MEIS2: variants seen among roughly 807,000 people sequenced by gnomAD.
MEIS2 encodes homeobox protein Meis2.
A neutral mutation model predicts 58.6 loss-of-function variants in MEIS2; 9 were observed. The observed-to-expected ratio is 0.15, with a 90% CI of 0.09 to 0.27. MEIS2 has a LOEUF of 0.27. MEIS2 is among the 10% of genes least tolerant of loss of function. The pLI is 1.00. For synonymous variants in MEIS2, 221 were observed against 228.4 expected (o/e 0.97, Z 0.29); for missense variants, 427 against 635.0 (o/e 0.67, Z 3.52).
At chr15:37,011,812 G>C (rs2061170501) in intron 8 of MEIS2, among the ~76,000 whole-genome samples, 1 of 151,744 alleles carries the variant, frequency 6.6e-6, no homozygotes, top group Non-Finnish European at 1.5e-5. Context: ...TAGAGATGGG[G>C]TTTCATCATG....
chr15:36,996,003 G>GTATA (rs1555446467), intron 8 of MEIS2, among the ~76,000 whole-genome samples: 1 of 39,910 alleles, frequency 2.5e-5, no homozygotes, highest in African/African-American at 6.7e-5. Flanking sequence ...ATATATATAT[G>GTATA]TATATATATA....
At chr15:37,033,345 C>G (rs2062008059) in intron 8 of MEIS2, among the ~76,000 whole-genome samples, 1 of 152,190 alleles carries the variant, frequency 6.6e-6, no homozygotes, top group African/African-American at 2.4e-5. Flanking sequence ...ATGGCCCATT[C>G]AGGGGGCAAA....
intron 8 of MEIS2, among the ~76,000 whole-genome samples, chr15:36,985,186 C>A (rs2060054966): frequency 6.6e-6 from 1 of 152,088 alleles, no homozygotes; most frequent in African/African-American, 2.4e-5. Context: ...TTGTTCATAT[C>A]ATCACTTTCC....
At chr15:36,954,997 G>C (rs1212397952) in intron 8 of MEIS2, among the ~76,000 whole-genome samples, 5 of 152,154 alleles carry the variant, frequency 3.3e-5, no homozygotes. Context: ...GCATTGGGCA[G>C]ATATCATTTA....
At chr15:37,028,027 G>A (rs573659744) in intron 8 of MEIS2, among the ~76,000 whole-genome samples, 2 of 152,202 alleles carry the variant, frequency 1.3e-5, no homozygotes, top group African/African-American at 4.8e-5. Context: ...ATAATGACAC[G>A]TATCCACCAT....
rs189644064 is a variant in MEIS2, at chr15:36,909,774, T to A, written c.978-13088A>T. 1.7e-3 allele frequency among the ~76,000 whole-genome samples: 227 copies of A among 132,230 alleles called. 1 individual carries two copies. Among genetic ancestry groups the A allele is most frequent in the African/African-American group, 6.0e-3 (206 of 34,376 alleles). The allele number at this position is 132,230 out of a possible 152,430, so 86.7% of individuals were successfully genotyped here. On this transcript the variant is annotated intron_variant, in intron 9 of 11. Coordinates refer to ENST00000561208, the MANE Select transcript of MEIS2 (RefSeq NM_170675.5). Reference sequence around the variant, plus strand: ...TGCACAGTCCGGGACATAACTGTACTGGGGATGATGGGGCAGTTGACTCAA... The same window carrying A: ...TGCACAGTCCGGGACATAACTGTACAGGGGATGATGGGGCAGTTGACTCAA...
chr15:36,889,360 A>AT lies in MEIS2; in HGVS notation c.*2812dup, dbSNP rs1259172512. 1.3e-5 allele frequency: 2 copies of AT among 152,160 alleles called. No individual in the cohort carries two copies. The highest frequency in any genetic ancestry group is 1.3e-4 in the Admixed American group (2 of 15,280). The allele number at this position is 152,160 out of a possible 1,614,324, so 9.4% of individuals were successfully genotyped here. On this transcript the variant is annotated 3_prime_UTR_variant, in exon 12 of 12. Transcript: ENST00000561208. ...CTTTACACTAAATAGTAAACCCGAGATAGGAGCAAGTGCCTTCCGGGGTGG... is the reference window on the plus strand; with the variant it reads ...CTTTACACTAAATAGTAAACCCGAGATTAGGAGCAAGTGCCTTCCGGGGTGG...
At chr15:37,087,590 C>T (rs988251072) in intron 6 of MEIS2, among the ~76,000 whole-genome samples, 3 of 145,690 alleles carry the variant, frequency 2.1e-5, no homozygotes, top group Admixed American at 2.1e-4. Flanking sequence ...TGTTTTCTCC[C>T]TTGAAAGTTA....
chr15:37,052,047 C>G (rs2062941509), intron 7 of MEIS2, among the ~76,000 whole-genome samples: 1 of 151,940 alleles, frequency 6.6e-6, no homozygotes, highest in African/African-American at 2.4e-5. Flanking sequence ...CTTTTTAAAA[C>G]TTTCAGGAAA....
chr15:36,944,295 G>A (rs543198638), intron 9 of MEIS2, among the ~76,000 whole-genome samples: 3 of 151,860 alleles, frequency 2.0e-5, no homozygotes, highest in Non-Finnish European at 4.4e-5. Flanking sequence ...CTCTTTCCCC[G>A]CCTTCTTTTG....
At chr15:37,001,755 A>G (rs537528998) in intron 8 of MEIS2, among the ~76,000 whole-genome samples, 1 of 152,266 alleles carries the variant, frequency 6.6e-6, no homozygotes, top group African/African-American at 2.4e-5. Flanking sequence ...AATATTTTAA[A>G]TTTACTTGAC....
intron 9 of MEIS2, among the ~76,000 whole-genome samples, chr15:36,921,445 G>T (rs1651396261): frequency 6.6e-6 from 1 of 152,208 alleles, no homozygotes; most frequent in African/African-American, 2.4e-5. Flanking sequence ...CATGTGGTTT[G>T]AAATAATTTC....
chr15:37,040,187 G>A (rs1020584920), intron 7 of MEIS2, among the ~76,000 whole-genome samples: 2 of 152,098 alleles, frequency 1.3e-5, no homozygotes, highest in African/African-American at 2.4e-5. Context: ...ACAAATGCAC[G>A]TGCCAAATGA....
intron 7 of MEIS2, among the ~76,000 whole-genome samples, chr15:37,046,854 TA>T (rs2062696804): frequency 6.6e-6 from 1 of 150,892 alleles, no homozygotes; most frequent in Non-Finnish European, 1.5e-5. Context: ...TATATATATA[TA>T]TTTAATTCAT....
chr15:37,066,061 T>C (rs1387543394), intron 7 of MEIS2, among the ~76,000 whole-genome samples: 1 of 152,218 alleles, frequency 6.6e-6, no homozygotes. Context: ...AAGGAGAAGA[T>C]AACTAACCCT....
At chr15:37,034,053 T>C (rs2062042696) in intron 8 of MEIS2, among the ~76,000 whole-genome samples, 1 of 151,358 alleles carries the variant, frequency 6.6e-6, no homozygotes, top group African/African-American at 2.4e-5. Context: ...GAGAAAGTAA[T>C]GAAAGGGGCA....
At chr15:36,999,309 C>T (rs868192051) in intron 8 of MEIS2, among the ~76,000 whole-genome samples, 4 of 152,172 alleles carry the variant, frequency 2.6e-5, no homozygotes, top group South Asian at 2.1e-4. Flanking sequence ...ATGGTCATCA[C>T]GACAACCTTG....
chr15:37,093,601 A>T lies in MEIS2; in HGVS notation c.619T>A (p.Ser207Thr). 6.2e-7 allele frequency: 1 copy of T among 1,614,182 alleles called. No homozygotes were observed. The highest frequency in any genetic ancestry group is 8.5e-7 in the Non-Finnish European group (1 of 1,180,022). Residue 207 changes from serine to threonine, a missense_variant, in exon 6 of 12, where the codon TCC (serine) becomes ACC (threonine). This residue lies in a region of MEIS2 where 138 missense variants were observed against 263.0 expected (regional missense o/e 0.52). Transcript: ENST00000561208. ...CTTACATGGTCAGCGAGATTTGTGG[A>T]GGAGCCTGAAAGTTCTTCATGATCT... The part of the protein sequence containing the change: ...KSDHEELSGS[S>T]TNLADHNPSS...
At chr15:36,970,139 C>T (rs1346912831) in intron 8 of MEIS2, among the ~76,000 whole-genome samples, 2 of 152,094 alleles carry the variant, frequency 1.3e-5, no homozygotes, top group African/African-American at 2.4e-5. Flanking sequence ...CGCGGTGGCT[C>T]ACGCTTGTAA....
Sources: allele counts gnomAD v4.1 joint callset (sites outside exome capture counted in the v4.1 genomes callset), GRCh38; gene constraint gnomAD v4.1.1; regional missense constraint gnomAD v4.1.1; transcripts MANE v1.5; gene names NCBI Gene and HGNC (gene_info 2026-07-23, HGNC 2026-07-21).